Variants in ATP6V1B1 observed in about 807,000 individuals in gnomAD.
ATP6V1B1 encodes the protein V-type proton ATPase subunit B, kidney isoform.
A neutral mutation model predicts 62.1 loss-of-function variants in ATP6V1B1; 41 were observed. The ratio of observed to expected loss-of-function variants is 0.66; its 90% CI spans 0.51 to 0.86. The LOEUF (loss-of-function observed/expected upper bound fraction) is 0.86. Among genes scored for constraint, ATP6V1B1 ranks in the 40% least tolerant of loss-of-function variants. ATP6V1B1 has a pLI of 0.00. For synonymous variants in ATP6V1B1, 253 were observed against 273.4 expected (o/e 0.93, Z 0.74); for missense variants, 651 against 697.5 (o/e 0.93, Z 0.75).
At chr2:70,962,627 C>T in intron 8 of ATP6V1B1, 150 bp from the exon 9 acceptor site, 1 of 1,318,772 alleles carries the variant, frequency 7.6e-7, no homozygotes, top group Non-Finnish European at 1.0e-6. Context: ...TGGCCCTGGC[C>T]TAGGGGATGG....
At chr2:70,940,916 T>A in intron 1 of ATP6V1B1, 1 of 447,228 alleles carries the variant, frequency 2.2e-6, no homozygotes, top group Non-Finnish European at 2.6e-6. Context: ...TCTTTTTCTT[T>A]TTTTTTTTTT....
intron 2 of ATP6V1B1, among the ~76,000 whole-genome samples, chr2:70,952,259 G>A (rs1254925769): frequency 6.6e-6 from 1 of 151,860 alleles, no homozygotes; most frequent in Non-Finnish European, 1.5e-5. Context: ...GTCAGGAGTT[G>A]GAGACCAGCC....
chr2:70,953,814 G>C (rs1553418618), intron 2 of ATP6V1B1, among the ~76,000 whole-genome samples: 1 of 152,142 alleles, frequency 6.6e-6, no homozygotes, highest in Non-Finnish European at 1.5e-5. Flanking sequence ...AAAACTATCT[G>C]GGATTGCTAT....
intron 1 of ATP6V1B1, chr2:70,938,878 A>C: frequency 2.4e-6 from 2 of 849,460 alleles, no homozygotes; most frequent in Non-Finnish European, 2.8e-6. Flanking sequence ...CAGATCCCTG[A>C]AGATCCCCCA....
chr2:70,950,354 TAAAC>T (rs1680292875), intron 2 of ATP6V1B1, among the ~76,000 whole-genome samples: 1 of 152,186 alleles, frequency 6.6e-6, no homozygotes. Context: ...AATTTTAAAA[TAAAC>T]AATAATCCAT....
At position 70,964,813 on chromosome 2, in the gene ATP6V1B1, C is replaced by G; in HGVS notation, c.1326C>G (p.Asp442Glu). 6.2e-7 allele frequency: 1 copy of G among 1,614,046 alleles called. No homozygotes were observed. Among genetic ancestry groups the G allele is most frequent in the Non-Finnish European group, 8.5e-7 (1 of 1,180,040 alleles). The change falls in exon 13 of 14, where the codon GAC becomes GAG. Residue 442 changes from aspartate to glutamate, a missense_variant. Transcript: ENST00000234396. ...VVGEEALTSEDLLYLEFLQKF... is the reference protein window; with the variant it reads ...VVGEEALTSEELLYLEFLQKF... ...GGGAGGAGGCGCTCACCTCTGAGGACCTGCTCTACCTGGAATTCCTGCAGA... is the reference window on the plus strand; with the variant it reads ...GGGAGGAGGCGCTCACCTCTGAGGAGCTGCTCTACCTGGAATTCCTGCAGA...
chr2:70,944,219 C>T, intron 2 of ATP6V1B1: 3 of 1,289,182 alleles, frequency 2.3e-6, no homozygotes, highest in Non-Finnish European at 3.0e-6. Flanking sequence ...TCAGTCTCAG[C>T]AACATGGGTG....
At chr2:70,943,740 C>T (rs1553416826) in intron 2 of ATP6V1B1, 27 bp downstream of exon 2, 2 of 1,612,556 alleles carry the variant, frequency 1.2e-6, no homozygotes, top group Admixed American at 1.7e-5. Flanking sequence ...GCCTCCCTGG[C>T]ACTAAGGCCA....
intron 2 of ATP6V1B1, among the ~76,000 whole-genome samples, chr2:70,950,010 A>AT (rs1311286378): frequency 6.6e-6 from 1 of 151,984 alleles, no homozygotes; most frequent in South Asian, 2.1e-4. Flanking sequence ...TTATATTTAA[A>AT]TTTTTTTTAC....
intron 2 of ATP6V1B1, among the ~76,000 whole-genome samples, chr2:70,957,094 T>TA (rs1453558760): frequency 6.0e-5 from 9 of 149,576 alleles, no homozygotes; most frequent in Admixed American, 2.0e-4. Context: ...CTTCTTTTTT[T>TA]TTTTTTTTTT....
chr2:70,962,957 C>T (rs1268669983), intron 9 of ATP6V1B1, 57 bp downstream of exon 9: 5 of 1,611,114 alleles, frequency 3.1e-6, no homozygotes, highest in East Asian at 4.5e-5. Flanking sequence ...AAGCCTGACA[C>T]CCCAGACGGT....
intron 2 of ATP6V1B1, among the ~76,000 whole-genome samples, chr2:70,945,701 G>GAGATATATATATATATAT (rs1553417203): frequency 1.8e-4 from 15 of 83,006 alleles, no homozygotes; most frequent in African/African-American, 7.2e-4. Context: ...TATTTGAAGA[G>GAGATATATATATATATAT]ATATATATAT....
intron 1 of ATP6V1B1, chr2:70,940,726 G>T (rs1679976952): frequency 1.0e-6 from 1 of 985,432 alleles, no homozygotes; most frequent in Non-Finnish European, 1.2e-6. Context: ...GGTGCTAGGG[G>T]TGCAACCCTT....
At chr2:70,955,160 TTTTGG>T (rs1205307529) in intron 2 of ATP6V1B1, among the ~76,000 whole-genome samples, 1 of 152,158 alleles carries the variant, frequency 6.6e-6, no homozygotes. Context: ...TTGGTTTGGT[TTTTGG>T]TTTGGTTTGG....
intron 2 of ATP6V1B1, among the ~76,000 whole-genome samples, chr2:70,951,328 G>A (rs1486872270): frequency 6.6e-6 from 1 of 152,122 alleles, no homozygotes. Flanking sequence ...TATAACTACA[G>A]TAGAGCTATC....
chr2:70,953,981 G>A (rs955013298), intron 2 of ATP6V1B1, among the ~76,000 whole-genome samples: 1 of 152,034 alleles, frequency 6.6e-6, no homozygotes, highest in East Asian at 1.9e-4. Context: ...TTATCTAGTT[G>A]TGAATTTATC....
chr2:70,962,418 A>C (rs781986648), intron 8 of ATP6V1B1, among the ~76,000 whole-genome samples: 1 of 151,980 alleles, frequency 6.6e-6, no homozygotes, highest in Non-Finnish European at 1.5e-5. Flanking sequence ...GGTGCCCCCA[A>C]CTCATCTACA....
chr2:70,953,832 C>T (rs62145080), intron 2 of ATP6V1B1, among the ~76,000 whole-genome samples: 1 of 152,148 alleles, frequency 6.6e-6, no homozygotes, highest in African/African-American at 2.4e-5. Flanking sequence ...TATTTAATAT[C>T]TTAAAGATTT....
At chr2:70,957,427 G>C (rs942780766) in intron 2 of ATP6V1B1, among the ~76,000 whole-genome samples, 3 of 152,070 alleles carry the variant, frequency 2.0e-5, no homozygotes, top group Admixed American at 6.6e-5. Context: ...CTGGATATTA[G>C]CCTGATTTTT....
Sources: allele counts gnomAD v4.1 joint callset (sites outside exome capture counted in the v4.1 genomes callset), GRCh38; gene constraint gnomAD v4.1.1; transcripts MANE v1.5; gene names NCBI Gene and HGNC (gene_info 2026-07-23, HGNC 2026-07-21).